The following COPS7B variants were observed in gnomAD, a reference collection of about 807,000 sequenced individuals.
The protein encoded by COPS7B is COP9 signalosome subunit 7B.
In COPS7B, 9 loss-of-function variants were observed where a neutral mutation model predicts 33.4. The ratio of observed to expected loss-of-function variants is 0.27; its 90% CI spans 0.16 to 0.47. The LOEUF is 0.47. Ranked by LOEUF, COPS7B falls within the 20% of genes least tolerant of loss-of-function variation. The pLI is 0.99. For synonymous variants in COPS7B, 119 were observed against 126.3 expected, an observed-to-expected ratio of 0.94 and a Z score of 0.39; for missense variants, 242 against 318.2, an observed-to-expected ratio of 0.76 and a Z score of 1.82.
chr2:231,792,849 T>G (rs2049457384), intron 3 of COPS7B, among the ~76,000 whole-genome samples: 1 of 152,216 alleles, frequency 6.6e-6, no homozygotes, highest in Non-Finnish European at 1.5e-5. Flanking sequence ...GACTGTAGCC[T>G]GATACTCAGG....
intron 2 of COPS7B, chr2:231,789,027 T>A: frequency 3.5e-6 from 1 of 289,006 alleles, no homozygotes; most frequent in East Asian, 8.0e-5. Flanking sequence ...ATGGGCTGTT[T>A]AATAGGAGTA....
rs148535450 is a variant in COPS7B at position 231,808,756 on chromosome 2, G to C, written c.*1111G>C. On this transcript the variant is annotated 3_prime_UTR_variant, in exon 7 of 7. Coordinates refer to ENST00000350033, the MANE Select transcript of COPS7B (RefSeq NM_022730.4). ...TGTCAATATTTGTTATAGACTAATC[G>C]CCGGGGATTTTTCACCTGGTTGGAG... 1 of 126,934 alleles carries C rather than the reference G, an allele frequency of 7.9e-6. No individual in the cohort carries two copies. The highest frequency in any genetic ancestry group is 9.0e-5 in the Admixed American group (1 of 11,150). The allele number at this position is 126,934 out of a possible 1,614,324, so 7.9% of individuals were successfully genotyped here. A position where few individuals can be genotyped will look rare whatever the true frequency, so the allele number is the denominator to read the frequency against.
At chr2:231,800,017 C>T (rs2049697757) in intron 6 of COPS7B, among the ~76,000 whole-genome samples, 1 of 152,186 alleles carries the variant, frequency 6.6e-6, no homozygotes, top group Non-Finnish European at 1.5e-5. Context: ...TGTCAGTGGA[C>T]TGCTGAACTC....
chr2:231,798,624 C>G (rs1176542142), intron 5 of COPS7B, among the ~76,000 whole-genome samples: 1 of 152,186 alleles, frequency 6.6e-6, no homozygotes, highest in East Asian at 1.9e-4. Flanking sequence ...AAAATTAAAG[C>G]TGTATTCTAA....
chr2:231,788,474 TG>T, intron 1 of COPS7B, 80 bp from the exon 2 acceptor site: 1 of 1,276,944 alleles, frequency 7.8e-7, no homozygotes, highest in Non-Finnish European at 1.1e-6. Flanking sequence ...TAAAGTATTC[TG>T]GTGTTTGATT....
chr2:231,806,577 A>C (rs990410685), intron 6 of COPS7B, among the ~76,000 whole-genome samples: 33 of 151,896 alleles, frequency 2.2e-4, no homozygotes, highest in Non-Finnish European at 4.7e-4. Flanking sequence ...AAAAAGACTA[A>C]AAAAGCTATT....
At chr2:231,792,140 A>C (rs1355796961) in intron 3 of COPS7B, 1 of 495,154 alleles carries the variant, frequency 2.0e-6, no homozygotes, top group Admixed American at 2.5e-5. Context: ...TCAACATTTT[A>C]AATATTATCA....
chr2:231,795,350 A>G (rs533643316), intron 4 of COPS7B, among the ~76,000 whole-genome samples: 4 of 152,296 alleles, frequency 2.6e-5, no homozygotes, highest in Admixed American at 2.6e-4. Flanking sequence ...GGTGTGAGCC[A>G]CTGCACTTGG....
chr2:231,805,702 G>T (rs1229240284), intron 6 of COPS7B, among the ~76,000 whole-genome samples: 1 of 151,966 alleles, frequency 6.6e-6, no homozygotes, highest in African/African-American at 2.4e-5. Context: ...GAGTGCAGTG[G>T]TGCAGACATG....
At chr2:231,803,316 A>G (rs1258297678) in intron 6 of COPS7B, among the ~76,000 whole-genome samples, 1 of 152,132 alleles carries the variant, frequency 6.6e-6, no homozygotes, top group Non-Finnish European at 1.5e-5. Flanking sequence ...ACAGAAGGGC[A>G]TAGGGGGAAT....
At chr2:231,792,070 C>T (rs189567641) in intron 3 of COPS7B, 8 of 633,710 alleles carry the variant, frequency 1.3e-5, no homozygotes, top group Admixed American at 8.4e-5. Context: ...TTCTTGAGGA[C>T]TGGTGTTTGT....
At chr2:231,801,667 T>C (rs1212082052) in intron 6 of COPS7B, among the ~76,000 whole-genome samples, 2 of 151,074 alleles carry the variant, frequency 1.3e-5, no homozygotes, top group Non-Finnish European at 3.0e-5. Flanking sequence ...TGGGTTTTGC[T>C]GTATTATTCA....
chr2:231,797,012 A>G (rs1289695308), intron 5 of COPS7B, among the ~76,000 whole-genome samples: 1 of 152,264 alleles, frequency 6.6e-6, no homozygotes, highest in Non-Finnish European at 1.5e-5. Flanking sequence ...TTTGGGGCTT[A>G]TAAAGCCAGA....
intron 6 of COPS7B, among the ~76,000 whole-genome samples, chr2:231,804,269 A>G (rs1308662712): frequency 6.8e-6 from 1 of 148,056 alleles, no homozygotes; most frequent in Non-Finnish European, 1.5e-5. Flanking sequence ...TTTTTTTGAG[A>G]CAGAGTCTGG....
intron 6 of COPS7B, among the ~76,000 whole-genome samples, chr2:231,807,173 A>C (rs544099114): frequency 6.6e-6 from 1 of 152,328 alleles, no homozygotes; most frequent in African/African-American, 2.4e-5. Context: ...CAGAGTGTAG[A>C]ATTCTTGGGT....
In COPS7B at chr2:231,808,798, GGTGT is replaced by G. The variant is rs543816090; in HGVS notation, c.*1194_*1197del. ...TGGTTGGAGGGTGGGGGTGGGGTGG[GGTGT>G]GTGTGTGTGTGTGTGTGTGTGTGTG... On this transcript the variant is annotated 3_prime_UTR_variant, in exon 7 of 7. Coordinates refer to ENST00000350033, the MANE Select transcript of COPS7B (RefSeq NM_022730.4). The G allele has an allele frequency of 0.016, 1,220 of 75,774 alleles. 14 individuals carry two copies. Among genetic ancestry groups the G allele is most frequent in the African/African-American group, 0.057 (951 of 16,732 alleles). The allele number at this position is 75,774 out of a possible 1,614,324, so 4.7% of individuals were successfully genotyped here.
At chr2:231,806,273 G>A (rs1267455342) in intron 6 of COPS7B, among the ~76,000 whole-genome samples, 1 of 152,080 alleles carries the variant, frequency 6.6e-6, no homozygotes, top group African/African-American at 2.4e-5. Flanking sequence ...AAACTGGCTG[G>A]GTGTGGTGGC....
chr2:231,806,314 C>T (rs911396753), intron 6 of COPS7B, among the ~76,000 whole-genome samples: 4 of 151,988 alleles, frequency 2.6e-5, no homozygotes, highest in African/African-American at 9.7e-5. Flanking sequence ...CTTTGGGAGG[C>T]CAAGGTAGGA....
rs543816090 is a variant in COPS7B at position 231,808,798 on chromosome 2, G to GGTGTGTGTGTGTGTGTGTGTGT, written c.*1176_*1197dup. The GGTGTGTGTGTGTGTGTGTGTGT allele has an allele frequency of 1.3e-5, 1 of 75,772 alleles. No individual in the cohort carries two copies. The highest frequency in any genetic ancestry group is 6.0e-5 in the African/African-American group (1 of 16,716). 4.7% of individuals were successfully genotyped at this position (75,772 alleles called of 1,614,324 possible). A position where few individuals can be genotyped will look rare whatever the true frequency, so the allele number is the denominator to read the frequency against. ...TGGTTGGAGGGTGGGGGTGGGGTGGGGTGTGTGTGTGTGTGTGTGTGTGTG... is the reference window on the plus strand; with the variant it reads ...TGGTTGGAGGGTGGGGGTGGGGTGGGGTGTGTGTGTGTGTGTGTGTGTGTGTGTGTGTGTGTGTGTGTGTGTG... On this transcript the variant is annotated 3_prime_UTR_variant, in exon 7 of 7. Coordinates refer to ENST00000350033, the MANE Select transcript of COPS7B (RefSeq NM_022730.4).
Sources: gnomAD v4.1 joint callset for allele counts (sites outside exome capture counted in the v4.1 genomes callset) on GRCh38, gnomAD v4.1.1 for gene constraint, MANE v1.5 for transcripts, NCBI Gene and HGNC (gene_info 2026-07-23, HGNC 2026-07-21) for gene names.